CWC25: variants seen among roughly 807,000 people sequenced by gnomAD.
CWC25 encodes the protein pre-mRNA-splicing factor CWC25 homolog.
Under a neutral mutation model 54.6 loss-of-function variants are expected in CWC25, and 31 were observed. That is an observed-to-expected ratio of 0.57 (90% CI 0.43 to 0.77). The LOEUF is 0.77. Among genes scored for constraint, CWC25 ranks in the 30% least tolerant of loss-of-function variants. The pLI is 0.00. For missense variants in CWC25, 453 were observed against 529.3 expected, an observed-to-expected ratio of 0.86 and a Z score of 1.41; for synonymous variants, 151 against 187.0, an observed-to-expected ratio of 0.81 and a Z score of 1.57.
At chr17:38,807,322 CAAAAAAAA>C (rs57710053) in intron 6 of CWC25, among the ~76,000 whole-genome samples, 2 of 56,532 alleles carry the variant, frequency 3.5e-5, no homozygotes, top group African/African-American at 6.4e-5. Context: ...GACTCCGTCT[CAAAAAAAA>C]AAAAAAAAAA....
In CWC25 at chr17:38,817,969, A is replaced by AAAT. The variant is rs1567674947; in HGVS notation, c.192-2875_192-2873dup. The stretch of plus-strand genomic sequence containing the variant: ...AGACAGAGCAAGACTCTGACTCAAA[A>AAAT]AATAATAATAATAATAATAAATAAT... On this transcript the variant is annotated intron_variant, in intron 2 of 9. Transcript: ENST00000614790. Among the ~76,000 whole-genome samples, 8 of 151,302 alleles carry AAAT rather than the reference A, an allele frequency of 5.3e-5. No homozygotes were observed. In the South Asian group the frequency reaches 6.3e-4, roughly 12 times the overall value.
rs1911408206 is a variant in CWC25 at position 38,809,742 on chromosome 17, G to A, written c.650C>T (p.Ser217Phe). Residue 217 changes from serine (S) to phenylalanine (F), a missense_variant, in exon 6 of 10, where the codon TCC (serine) becomes TTC (phenylalanine). Ser to Phe is a radical substitution (Grantham distance 155). Coordinates refer to ENST00000614790, the MANE Select transcript of CWC25 (RefSeq NM_017748.5). ...AGGGACTTTGGACAAAACAGGGGAGGAATTTGCCATCTTCTTCTGTGATCT... is the reference window on the plus strand; with the variant it reads ...AGGGACTTTGGACAAAACAGGGGAGAAATTTGCCATCTTCTTCTGTGATCT... ...AGRSQKKMAN[S>F]SPVLSKVPGY... 1.2e-6 allele frequency: 2 copies of A among 1,613,768 alleles called. No individual in the cohort carries two copies. The highest frequency in any genetic ancestry group is 1.7e-5 in the Admixed American group (1 of 59,962).
At chr17:38,806,103 C>T (rs968970071) in intron 8 of CWC25, among the ~76,000 whole-genome samples, 194 bp downstream of exon 8, 5 of 152,210 alleles carry the variant, frequency 3.3e-5, no homozygotes, top group South Asian at 2.1e-4. Flanking sequence ...TGAGCCACCA[C>T]GCCCAGCCTT....
chr17:38,808,150 C>T lies in CWC25; in HGVS notation c.691-1174G>A, dbSNP rs1157578131. On this transcript the variant is annotated intron_variant, in intron 6 of 9. Transcript: ENST00000614790. ...CTGTAATCCCAGCACTTTGGGAGGCCAAGACGGGCAGATCACAAGGTCGGG... is the reference window on the plus strand; with the variant it reads ...CTGTAATCCCAGCACTTTGGGAGGCTAAGACGGGCAGATCACAAGGTCGGG... Among the ~76,000 whole-genome samples, 39 of 138,880 alleles carry T rather than the reference C, an allele frequency of 2.8e-4. 3 individuals are homozygous for T. The highest frequency in any genetic ancestry group is 9.7e-4 in the African/African-American group (37 of 38,330). The allele number at this position is 138,880 out of a possible 152,430, so 91.1% of individuals were successfully genotyped here.
chr17:38,810,920 C>CAAAAAA (rs71352314), intron 4 of CWC25, among the ~76,000 whole-genome samples: 1 of 71,400 alleles, frequency 1.4e-5, no homozygotes. Flanking sequence ...AACTGTGTCT[C>CAAAAAA]AAAAAAAAAA....
At position 38,807,876 on chromosome 17, in the gene CWC25, G is replaced by A. The variant is rs1911317112; in HGVS notation, c.691-900C>T. ...GATCAAGACCATCCTAGCTAACATG[G>A]TGAAACACTGTCTCTACTAAAAATA... On this transcript the variant is annotated intron_variant, in intron 6 of 9. Transcript: ENST00000614790. Among the ~76,000 whole-genome samples the A allele has an allele frequency of 1.5e-5, 2 of 137,466 alleles. 1 individual carries two copies. 90.2% of individuals were successfully genotyped at this position (137,466 alleles called of 152,430 possible).
In CWC25 at chr17:38,825,295, G is replaced by T; in HGVS notation, c.-112C>A. 8.7e-7 allele frequency: 1 copy of T among 1,151,606 alleles called. No homozygotes were observed. Among genetic ancestry groups the T allele is most frequent in the Non-Finnish European group, 1.2e-6 (1 of 822,456 alleles). The allele number at this position is 1,151,606 out of a possible 1,614,324, so 71.3% of individuals were successfully genotyped here. A position where few individuals can be genotyped will look rare whatever the true frequency, so the allele number is the denominator to read the frequency against. On this transcript the variant is annotated 5_prime_UTR_variant, in exon 1 of 10. Coordinates refer to ENST00000614790, the MANE Select transcript of CWC25 (RefSeq NM_017748.5). ...CTCGCGGGATCTAGTCCCAGGAGCCGTCAACTGCCAGTTTCACCACCGCTC... is the reference window on the plus strand; with the variant it reads ...CTCGCGGGATCTAGTCCCAGGAGCCTTCAACTGCCAGTTTCACCACCGCTC...
intron 8 of CWC25, among the ~76,000 whole-genome samples, chr17:38,805,543 G>A (rs1911200163): frequency 6.6e-6 from 1 of 152,098 alleles, no homozygotes. Context: ...GGAACTCCTG[G>A]CCTCAAGCGA....
At chr17:38,802,669 A>T (rs181522200) in intron 9 of CWC25, 31 bp downstream of exon 9, 1 of 1,611,778 alleles carries the variant, frequency 6.2e-7, no homozygotes, top group Non-Finnish European at 8.5e-7. Flanking sequence ...CTTCCCCATG[A>T]AAGACCCTGG....
At chr17:38,819,014 C>CTTATTTATTTAT (rs35573113) in intron 2 of CWC25, among the ~76,000 whole-genome samples, 4 of 150,150 alleles carry the variant, frequency 2.7e-5, no homozygotes, top group African/African-American at 7.3e-5. Context: ...TCAATTTTTA[C>CTTATTTATTTAT]TTATTTATTT....
chr17:38,815,148 T>C, intron 2 of CWC25, 51 bp from the exon 3 acceptor site: 2 of 1,527,968 alleles, frequency 1.3e-6, no homozygotes. Context: ...AGCAGACTTC[T>C]GCAAACCTAC....
chr17:38,818,418 C>T (rs1911787456), intron 2 of CWC25, among the ~76,000 whole-genome samples: 1 of 151,108 alleles, frequency 6.6e-6, no homozygotes, highest in African/African-American at 2.4e-5. Context: ...CAGTGAAACC[C>T]CGTCTCTACT....
At chr17:38,811,024 A>T (rs1010932506) in intron 4 of CWC25, among the ~76,000 whole-genome samples, 2 of 151,018 alleles carry the variant, frequency 1.3e-5, no homozygotes, top group East Asian at 3.9e-4. Context: ...CAAGGTCAGG[A>T]GTTCGAGACC....
At chr17:38,802,624 G>C (rs1300384395) in intron 9 of CWC25, 76 bp downstream of exon 9, 2 of 1,542,114 alleles carry the variant, frequency 1.3e-6, no homozygotes, top group African/African-American at 2.7e-5. Flanking sequence ...AGAAACACTG[G>C]AACGGGAACC....
intron 4 of CWC25, among the ~76,000 whole-genome samples, chr17:38,811,042 C>G (rs1468687723): frequency 6.6e-6 from 1 of 151,120 alleles, no homozygotes; most frequent in Non-Finnish European, 1.5e-5. Context: ...ACCACCCTGG[C>G]CAATATGGTG....
chr17:38,812,952 C>T (rs1911550860), intron 3 of CWC25, 88 bp from the exon 4 acceptor site: 1 of 749,666 alleles, frequency 1.3e-6, no homozygotes, highest in African/African-American at 1.7e-5. Flanking sequence ...TACAGACAAA[C>T]TGGCCCATGT....
At position 38,806,813 on chromosome 17, in the gene CWC25, C is replaced by G. The variant is rs752914977; in HGVS notation, c.854G>C (p.Arg285Thr). 2.5e-6 allele frequency: 4 copies of G among 1,612,076 alleles called. No individual in the cohort carries two copies. The East Asian group carries it at 8.9e-5, about 36-fold the overall frequency. Reference sequence around the variant, plus strand: ...TGACCTTCTGCCCAGGGATCGAGACCTCCTGTCCCGGGACCCTGCTTCCCT... The same window carrying G: ...TGACCTTCTGCCCAGGGATCGAGACGTCCTGTCCCGGGACCCTGCTTCCCT... ...STREAGSRDR[R>T]SRSLGRRSRS... The change falls in exon 7 of 10, where the codon AGG (arginine) becomes ACG (threonine). Residue 285 changes from arginine to threonine, a missense_variant. Arg to Thr is a moderately conservative substitution (Grantham distance 71, BLOSUM62 -1). Coordinates refer to ENST00000614790, the MANE Select transcript of CWC25 (RefSeq NM_017748.5).
intron 6 of CWC25, among the ~76,000 whole-genome samples, chr17:38,808,253 G>A (rs1310110737): frequency 7.3e-6 from 1 of 136,902 alleles, no homozygotes; most frequent in Non-Finnish European, 1.6e-5. Context: ...GTGGTGGTGG[G>A]TGCCCGTAGT....
chr17:38,809,426 CA>C (rs763244461), intron 6 of CWC25, among the ~76,000 whole-genome samples: 28,552 of 129,716 alleles, frequency 0.22, 2,713 homozygotes, highest in Admixed American at 0.29. Context: ...GACTCCGTCT[CA>C]AAAAAAAAAA....
Sources: allele counts gnomAD v4.1 joint callset (sites outside exome capture counted in the v4.1 genomes callset), GRCh38; gene constraint gnomAD v4.1.1; transcripts MANE v1.5; gene names NCBI Gene and HGNC (gene_info 2026-07-23, HGNC 2026-07-21).